MYO1D: variants seen among roughly 807,000 people sequenced by gnomAD.
The protein encoded by MYO1D is unconventional myosin-Id.
MYO1D carries 83 observed loss-of-function variants against 122.0 expected under a neutral mutation model. The observed-to-expected ratio is 0.68, with a 90% CI of 0.57 to 0.82. The LOEUF (loss-of-function observed/expected upper bound fraction) is 0.82. MYO1D is among the 40% of genes least tolerant of loss of function. MYO1D has a pLI of 0.00. For synonymous variants in MYO1D, 464 were observed against 446.9 expected (o/e 1.04, Z -0.48); for missense variants, 1,157 against 1,269.5 (o/e 0.91, Z 1.35).
chr17:32,513,753 T>C (rs1909781787), intron 21 of MYO1D, among the ~76,000 whole-genome samples: 1 of 152,072 alleles, frequency 6.6e-6, no homozygotes, highest in Non-Finnish European at 1.5e-5. Flanking sequence ...GTTGAAATGG[T>C]AAGCCTGCCC....
chr17:32,787,143 G>GA (rs1024957112), intron 1 of MYO1D, among the ~76,000 whole-genome samples: 1 of 150,304 alleles, frequency 6.7e-6, no homozygotes, highest in African/African-American at 2.4e-5. Context: ...CCAGAAGAGA[G>GA]AAAAAAAATC....
intron 1 of MYO1D, among the ~76,000 whole-genome samples, chr17:32,819,396 TC>T (rs2090641333): frequency 1.3e-5 from 2 of 152,144 alleles, no homozygotes; most frequent in African/African-American, 2.4e-5. Context: ...TTCAGTCCAT[TC>T]CCCTCCGTTT....
At chr17:32,824,890 C>T (rs748523709) in intron 1 of MYO1D, among the ~76,000 whole-genome samples, 17 of 152,272 alleles carry the variant, frequency 1.1e-4, no homozygotes, top group Middle Eastern at 3.4e-3. Flanking sequence ...CTTGCATGTC[C>T]TGGAAGGAGA....
At chr17:32,587,417 C>A (rs866493584) in intron 21 of MYO1D, among the ~76,000 whole-genome samples, 8 of 150,410 alleles carry the variant, frequency 5.3e-5, no homozygotes, top group South Asian at 4.2e-4. Context: ...GAGGCTGAGG[C>A]AGAAGAATTG....
At chr17:32,707,918 T>C (rs534189417) in intron 16 of MYO1D, among the ~76,000 whole-genome samples, 42 of 152,188 alleles carry the variant, frequency 2.8e-4, no homozygotes, top group Non-Finnish European at 4.1e-4. Flanking sequence ...GCTGGAGGAA[T>C]TGAGTGCATC....
chr17:32,549,152 G>A (rs1809823760), intron 21 of MYO1D, among the ~76,000 whole-genome samples: 2 of 152,258 alleles, frequency 1.3e-5, no homozygotes, highest in South Asian at 2.1e-4. Flanking sequence ...GAGTTCAGTG[G>A]TGCCATCTCA....
chr17:32,520,985 G>A (rs1597872772), intron 21 of MYO1D, among the ~76,000 whole-genome samples: 1 of 152,182 alleles, frequency 6.6e-6, no homozygotes, highest in Non-Finnish European at 1.5e-5. Context: ...AACATAGGGC[G>A]GGGAATCGCG....
intron 1 of MYO1D, among the ~76,000 whole-genome samples, chr17:32,849,271 T>C (rs1400375854): frequency 6.7e-6 from 1 of 149,758 alleles, no homozygotes; most frequent in Admixed American, 6.6e-5. Context: ...TCCTCAGGGA[T>C]CTAGAACTAG....
intron 1 of MYO1D, among the ~76,000 whole-genome samples, chr17:32,797,186 G>A (rs55996646): frequency 0.023 from 3,434 of 152,234 alleles, 64 homozygotes; most frequent in Non-Finnish European, 0.035. Flanking sequence ...GGTCAAGACA[G>A]TCTTGATCTC....
At chr17:32,677,702 T>C (rs1567943974) in intron 16 of MYO1D, among the ~76,000 whole-genome samples, 1 of 151,744 alleles carries the variant, frequency 6.6e-6, no homozygotes, top group Non-Finnish European at 1.5e-5. Flanking sequence ...TAGTTTTTAA[T>C]ATATGTCATA....
intron 16 of MYO1D, among the ~76,000 whole-genome samples, chr17:32,710,678 A>T (rs1014019056): frequency 6.6e-6 from 1 of 152,234 alleles, no homozygotes; most frequent in African/African-American, 2.4e-5. Context: ...AATATATAAC[A>T]TCTAAAGTAA....
intron 1 of MYO1D, 119 bp downstream of exon 1, chr17:32,876,657 GCC>G: frequency 1.4e-6 from 1 of 732,224 alleles, no homozygotes; most frequent in Non-Finnish European, 2.0e-6. Flanking sequence ...CCGCAGCCCG[GCC>G]GCGCCTCCAT....
At chr17:32,514,239 C>CAAAAAA (rs61570449) in intron 21 of MYO1D, among the ~76,000 whole-genome samples, 6 of 60,286 alleles carry the variant, frequency 1.0e-4, no homozygotes, top group Non-Finnish European at 1.8e-4. Context: ...GACTTTGTCT[C>CAAAAAA]AAAAAAAAAA....
At chr17:32,713,710 C>G (rs1176004118) in intron 15 of MYO1D, among the ~76,000 whole-genome samples, 1 of 152,046 alleles carries the variant, frequency 6.6e-6, no homozygotes, top group Non-Finnish European at 1.5e-5. Flanking sequence ...TCACTGCAAC[C>G]CCCGCCTCCC....
chr17:32,693,952 G>A (rs190511823), intron 16 of MYO1D, among the ~76,000 whole-genome samples: 18 of 152,196 alleles, frequency 1.2e-4, no homozygotes, highest in African/African-American at 4.1e-4. Flanking sequence ...TTCTAAAAGG[G>A]CTTTACATTT....
intron 20 of MYO1D, among the ~76,000 whole-genome samples, chr17:32,629,076 T>C (rs926498238): frequency 6.6e-6 from 1 of 152,182 alleles, no homozygotes; most frequent in Non-Finnish European, 1.5e-5. Context: ...TGGGAAGACA[T>C]GACGGAACCT....
intron 16 of MYO1D, among the ~76,000 whole-genome samples, chr17:32,690,571 G>A (rs1277092805): frequency 6.6e-6 from 1 of 152,178 alleles, no homozygotes; most frequent in African/African-American, 2.4e-5. Context: ...TGTTGGAGGT[G>A]GGGCCTGGTA....
chr17:32,727,754 TTGTC>T (rs1439001751), intron 14 of MYO1D: 1 of 151,950 alleles, frequency 6.6e-6, no homozygotes, highest in Non-Finnish European at 1.5e-5. Flanking sequence ...AAGACAAAAA[TTGTC>T]AGACTGGATT....
At chr17:32,639,363 TTGTGTGTGTGTGTGTGTGTGTGTGTG>T (rs10674390) in intron 19 of MYO1D, among the ~76,000 whole-genome samples, 2 of 128,222 alleles carry the variant, frequency 1.6e-5, no homozygotes, top group African/African-American at 6.4e-5. Flanking sequence ...GGGAGAAATT[TTGTGTGTGTGTGTGTGTGTGTGTGTG>T]TGTGTGTGTG....
Sources: allele counts gnomAD v4.1 joint callset (sites outside exome capture counted in the v4.1 genomes callset), GRCh38; gene constraint gnomAD v4.1.1; transcripts MANE v1.5; gene names NCBI Gene and HGNC (gene_info 2026-07-23, HGNC 2026-07-21).